The following TPBG variants were observed in gnomAD, a reference collection of about 807,000 sequenced individuals.
TPBG encodes 5T4 oncofetal antigen.
A neutral mutation model predicts 19.3 loss-of-function variants in TPBG; 13 were observed. The ratio of observed to expected loss-of-function variants is 0.67; its 90% CI spans 0.44 to 1.07. TPBG has a LOEUF of 1.07. Among genes scored for constraint, TPBG ranks in the 50% least tolerant of loss-of-function variants. The pLI is 0.00. For missense variants in TPBG, 642 were observed against 559.6 expected, an observed-to-expected ratio of 1.15 and a Z score of -1.49; for synonymous variants, 338 against 259.8, an observed-to-expected ratio of 1.30 and a Z score of -2.89.
intron 1 of TPBG, 80 bp from the exon 2 acceptor site, chr6:82,364,543 T>C: frequency 5.7e-6 from 1 of 174,454 alleles, no homozygotes. Flanking sequence ...TGGAGACGAC[T>C]AGACTCGAAA....
chr6:82,365,258 C>T lies in TPBG; in HGVS notation c.297C>T (p.Thr99=). 1.9e-6 allele frequency: 3 copies of T among 1,581,988 alleles called. No individual in the cohort carries two copies. Among genetic ancestry groups the T allele is most frequent in the Non-Finnish European group, 2.6e-6 (3 of 1,171,884 alleles). Residue 99 remains threonine, a synonymous_variant, in exon 2 of 2, where the codon ACC becomes ACT. Transcript: ENST00000369750. ...LPAYVRNLFL[T]GNQLAVLPAG... ...CCTACGTGCGCAACCTCTTCCTTAC[C>T]GGCAACCAGCTGGCCGTGCTCCCTG...
Position 82,364,887 on chromosome 6 carries a change from G to C in TPBG, c.-75G>C, listed in dbSNP as rs901461735. The C allele has an allele frequency of 4.1e-6, 5 of 1,225,724 alleles. No homozygotes were observed. The South Asian group carries it at 6.6e-5, about 16-fold the overall frequency. 75.9% of individuals were successfully genotyped at this position (1,225,724 alleles called of 1,614,324 possible). On this transcript the variant is annotated 5_prime_UTR_variant, in exon 2 of 2. Transcript: ENST00000369750. Reference sequence around the variant, plus strand: ...TTTCCAGACGCTTCCGCCGGCTCGCGCCCTCCGGGCCCAGCCTCCCGAGCC... The same window carrying C: ...TTTCCAGACGCTTCCGCCGGCTCGCCCCCTCCGGGCCCAGCCTCCCGAGCC...
chr6:82,364,683 C>G lies in TPBG; in HGVS notation c.-279C>G, dbSNP rs1043281722. 12 of 400,446 alleles carry G rather than the reference C, an allele frequency of 3.0e-5. No individual in the cohort carries two copies. Among genetic ancestry groups the G allele is most frequent in the African/African-American group, 2.3e-4 (11 of 47,902 alleles). The allele number at this position is 400,446 out of a possible 1,614,324, so 24.8% of individuals were successfully genotyped here. A position where few individuals can be genotyped will look rare whatever the true frequency, so the allele number is the denominator to read the frequency against. On this transcript the variant is annotated 5_prime_UTR_variant, in exon 2 of 2. Coordinates refer to ENST00000369750, the MANE Select transcript of TPBG (RefSeq NM_001376922.1). ...AGGCGAAGAGGTGGCACCAGGGCGGCGGCAGGAAGAGGAGCGGGAGCAGGA... is the reference window on the plus strand; with the variant it reads ...AGGCGAAGAGGTGGCACCAGGGCGGGGGCAGGAAGAGGAGCGGGAGCAGGA...
rs1011151079 is a variant in TPBG, at chr6:82,364,786, C to A, written c.-176C>A. On this transcript the variant is annotated 5_prime_UTR_variant, in exon 2 of 2. Coordinates refer to ENST00000369750, the MANE Select transcript of TPBG (RefSeq NM_001376922.1). Reference sequence around the variant, plus strand: ...CGGGGGAATCGGCCCCTGAGGGAAGCGCCCGGTGGCGAGGGGGTTAGCCAA... The same window carrying A: ...CGGGGGAATCGGCCCCTGAGGGAAGAGCCCGGTGGCGAGGGGGTTAGCCAA... The A allele has an allele frequency of 5.8e-6, 3 of 517,994 alleles. No homozygotes were observed. Among genetic ancestry groups the A allele is most frequent in the African/African-American group, 2.0e-5 (1 of 49,404 alleles). 32.1% of individuals were successfully genotyped at this position (517,994 alleles called of 1,614,324 possible).
Position 82,365,322 on chromosome 6 carries a change from G to T in TPBG, c.361G>T (p.Ala121Ser). 6.4e-7 allele frequency: 1 copy of T among 1,573,424 alleles called. No individual in the cohort carries two copies. Among genetic ancestry groups the T allele is most frequent in the Middle Eastern group, 1.7e-4 (1 of 5,936 alleles). ...CCGCCGGCCGCCGCTGGCGGAGCTG[G>T]CCGCGCTCAACCTCAGCGGCAGCCG... ...FARRPPLAEL[A>S]ALNLSGSRLD... Residue 121 changes from alanine (A) to serine (S), a missense_variant, in exon 2 of 2, where the codon GCC (alanine) becomes TCC (serine). Ala to Ser is a moderately conservative substitution (Grantham distance 99, BLOSUM62 1). Coordinates refer to ENST00000369750, the MANE Select transcript of TPBG (RefSeq NM_001376922.1).
In TPBG at chr6:82,365,170, A is replaced by T. The variant is rs1357961329; in HGVS notation, c.209A>T (p.Glu70Val). 1.2e-6 allele frequency: 2 copies of T among 1,604,074 alleles called. No individual in the cohort carries two copies. Among genetic ancestry groups the T allele is most frequent in the Admixed American group, 3.4e-5 (2 of 58,946 alleles). Residue 70 changes from glutamate (E) to valine (V), a missense_variant, in exon 2 of 2, where the codon GAG (glutamate) becomes GTG (valine). Transcript: ENST00000369750. ...DQCPALCECS[E>V]AARTVKCVNR... The stretch of plus-strand genomic sequence containing the variant: ...TGCCCCGCGCTGTGCGAGTGCTCCG[A>T]GGCAGCGCGCACAGTCAAGTGCGTT...
Position 82,367,204 on chromosome 6 carries a change from C to G in TPBG, c.*980C>G, listed in dbSNP as rs541624967. On this transcript the variant is annotated 3_prime_UTR_variant, in exon 2 of 2. Coordinates refer to ENST00000369750, the MANE Select transcript of TPBG (RefSeq NM_001376922.1). The stretch of plus-strand genomic sequence containing the variant: ...ATGAAGTTGGTAAAAGCTAAGCGTT[C>G]TGCACAATAAACAGTTCCCAGTTTG... 38 of 167,154 alleles carry G rather than the reference C, an allele frequency of 2.3e-4. No individual in the cohort carries two copies. The South Asian group carries it at 7.7e-3, about 34-fold the overall frequency. 10.4% of individuals were successfully genotyped at this position (167,154 alleles called of 1,614,324 possible).
In TPBG at chr6:82,366,215, G is replaced by T. The variant is rs370385349; in HGVS notation, c.1254G>T (p.Ser418=). The T allele has an allele frequency of 7.0e-6, 11 of 1,580,624 alleles. No individual in the cohort carries two copies. In the African/African-American group the frequency reaches 1.2e-4, roughly 18 times the overall value. ...DPRLTNLSSN[S]DV is the part of the protein sequence containing the mutation. The stretch of plus-strand genomic sequence containing the variant: ...GATTAACGAACCTCAGTTCTAACTC[G>T]GATGTCTGAGAAATATTAGAGGACA... The change falls in exon 2 of 2, where the codon TCG becomes TCT. Residue 418 remains serine (S), a synonymous_variant. Transcript: ENST00000369750.
At chr6:82,364,073 C>T (rs1297600220) in intron 1 of TPBG, among the ~76,000 whole-genome samples, 165 bp downstream of exon 1, 1 of 152,208 alleles carries the variant, frequency 6.6e-6, no homozygotes, top group South Asian at 2.1e-4. Flanking sequence ...ATGACTTGAA[C>T]CCCTTTGAGA....
At chr6:82,363,109 C>T (rs993792862), upstream of TPBG, 1 of 151,968 alleles carries the variant, frequency 6.6e-6, no homozygotes, top group Non-Finnish European at 1.5e-5. Context: ...TCTGGGATGC[C>T]TTTGGCTGCC....
In TPBG at chr6:82,365,906, G is replaced by A. The variant is rs1216252481; in HGVS notation, c.945G>A (p.Val315=). 2 of 1,614,210 alleles carry A rather than the reference G, an allele frequency of 1.2e-6. No individual in the cohort carries two copies. Among genetic ancestry groups the A allele is most frequent in the Non-Finnish European group, 1.7e-6 (2 of 1,180,036 alleles). The change falls in exon 2 of 2, where the codon GTG becomes GTA. Residue 315 remains valine (V), a synonymous_variant. Transcript: ENST00000369750. ...CCTGGCTCAAGGAAACAGAGGTAGT[G>A]CAGGGCAAAGACCGGCTCACCTGTG... is the stretch of plus-strand genomic sequence containing the variant. ...MVTWLKETEV[V]QGKDRLTCAY...
At position 82,365,184 on chromosome 6, in the gene TPBG, G is replaced by C; in HGVS notation, c.223G>C (p.Val75Leu). 1 of 1,600,510 alleles carries C rather than the reference G, an allele frequency of 6.2e-7. No individual in the cohort carries two copies. Among genetic ancestry groups the C allele is most frequent in the Non-Finnish European group, 8.5e-7 (1 of 1,175,182 alleles). ...LCECSEAART[V>L]KCVNRNLTEV... is the part of the protein sequence containing the mutation. The stretch of plus-strand genomic sequence containing the variant: ...CGAGTGCTCCGAGGCAGCGCGCACA[G>C]TCAAGTGCGTTAACCGCAATCTGAC... Residue 75 changes from valine to leucine, a missense_variant, in exon 2 of 2, where the codon GTC (valine) becomes CTC (leucine). Coordinates refer to ENST00000369750, the MANE Select transcript of TPBG (RefSeq NM_001376922.1).
In TPBG at chr6:82,366,434, C is replaced by T. The variant is rs754527903; in HGVS notation, c.*210C>T. 3.8e-6 allele frequency: 2 copies of T among 524,554 alleles called. No homozygotes were observed. The highest frequency in any genetic ancestry group is 6.5e-6 in the Non-Finnish European group (2 of 309,534). 32.5% of individuals were successfully genotyped at this position (524,554 alleles called of 1,614,324 possible). ...TGAACAGTTGTGTATAGTGTTTTAC[C>T]CTCTTCTTTTTCTTGGAACTCCTCA... is the stretch of plus-strand genomic sequence containing the variant. On this transcript the variant is annotated 3_prime_UTR_variant, in exon 2 of 2. Transcript: ENST00000369750.
chr6:82,363,787 A>C (rs1158888168), upstream of TPBG: 1 of 152,016 alleles, frequency 6.6e-6, no homozygotes, highest in Non-Finnish European at 1.5e-5. Flanking sequence ...CCAGCTGCGG[A>C]GGTTGGGAGG....
In TPBG at chr6:82,365,264, C is replaced by T. The variant is rs1357966336; in HGVS notation, c.303C>T (p.Asn101=). 3.8e-6 allele frequency: 6 copies of T among 1,580,022 alleles called. No homozygotes were observed. Among genetic ancestry groups the T allele is most frequent in the East Asian group, 2.4e-5 (1 of 42,122 alleles). Reference sequence around the variant, plus strand: ...TGCGCAACCTCTTCCTTACCGGCAACCAGCTGGCCGTGCTCCCTGCCGGCG... The same window carrying T: ...TGCGCAACCTCTTCCTTACCGGCAATCAGCTGGCCGTGCTCCCTGCCGGCG... ...AYVRNLFLTG[N]QLAVLPAGAF... The change falls in exon 2 of 2, where the codon AAC becomes AAT. Residue 101 remains asparagine (N), a synonymous_variant. Coordinates refer to ENST00000369750, the MANE Select transcript of TPBG (RefSeq NM_001376922.1).
rs752239077 is a variant in TPBG, at chr6:82,365,774, G to A, written c.813G>A (p.Lys271=). The change falls in exon 2 of 2, where the codon AAG becomes AAA. Residue 271 remains lysine (K), a synonymous_variant. Coordinates refer to ENST00000369750, the MANE Select transcript of TPBG (RefSeq NM_001376922.1). The stretch of plus-strand genomic sequence containing the variant: ...TCCACCTGGAGGACAATGCCCTCAA[G>A]GTCCTTCACAATGGCACCCTGGCTG... ...ESLHLEDNAL[K]VLHNGTLAEL... is the part of the protein sequence containing the mutation. 1.2e-6 allele frequency: 2 copies of A among 1,614,166 alleles called. No homozygotes were observed. The highest frequency in any genetic ancestry group is 3.3e-5 in the Admixed American group (2 of 60,028).
chr6:82,365,470 C>T lies in TPBG; in HGVS notation c.509C>T (p.Ser170Leu), dbSNP rs1360835269. Residue 170 changes from serine to leucine, a missense_variant, in exon 2 of 2, where the codon TCG becomes TTG. Transcript: ENST00000369750. ...TTCTCGGGCAGCAATGCCAGCGTCT[C>T]GGCCCCCAGTCCCCTTGTGGAACTG... is the stretch of plus-strand genomic sequence containing the variant. Reference protein sequence around the residue: ...FAFSGSNASVSAPSPLVELIL... With the variant: ...FAFSGSNASVLAPSPLVELIL... 7 of 1,609,368 alleles carry T rather than the reference C, an allele frequency of 4.3e-6. No individual in the cohort carries two copies. Among genetic ancestry groups the T allele is most frequent in the African/African-American group, 1.3e-5 (1 of 74,850 alleles).
upstream of TPBG, chr6:82,363,517 C>T (rs1452153737): frequency 6.6e-6 from 1 of 152,166 alleles, no homozygotes; most frequent in Non-Finnish European, 1.5e-5. Context: ...CGAGATTCAC[C>T]AGCGGTTTTG....
chr6:82,365,984 C>G lies in TPBG; in HGVS notation c.1023C>G (p.Asp341Glu). 6.2e-7 allele frequency: 1 copy of G among 1,613,934 alleles called. No homozygotes were observed. The highest frequency in any genetic ancestry group is 2.2e-5 in the East Asian group (1 of 44,880). Residue 341 changes from aspartate to glutamate, a missense_variant, in exon 2 of 2, where the codon GAC becomes GAG. Asp to Glu is a conservative substitution (Grantham distance 45). Coordinates refer to ENST00000369750, the MANE Select transcript of TPBG (RefSeq NM_001376922.1). ...NRVLLELNSADLDCDPILPPS... is the reference protein window; with the variant it reads ...NRVLLELNSAELDCDPILPPS... Reference sequence around the variant, plus strand: ...TCCTCTTGGAACTCAACAGTGCTGACCTGGACTGTGACCCGATTCTTCCCC... The same window carrying G: ...TCCTCTTGGAACTCAACAGTGCTGAGCTGGACTGTGACCCGATTCTTCCCC...
Sources: gnomAD v4.1 joint callset for allele counts (sites outside exome capture counted in the v4.1 genomes callset) on GRCh38, gnomAD v4.1.1 for gene constraint, MANE v1.5 for transcripts, NCBI Gene and HGNC (gene_info 2026-07-23, HGNC 2026-07-21) for gene names.